The following ISM1 variants were observed in gnomAD, a reference collection of about 807,000 sequenced individuals.
ISM1 encodes isthmin-1.
ISM1 carries 25 observed loss-of-function variants against 46.3 expected under a neutral mutation model. The observed-to-expected ratio is 0.54, with a 90% confidence interval of 0.39 to 0.75. The LOEUF is 0.75. ISM1 is among the 30% of genes least tolerant of loss of function. The probability of loss-of-function intolerance (pLI) is 0.00; values close to 1 mark genes in which losing one functional copy is unlikely to be tolerated. For missense variants in ISM1, 536 were observed against 625.4 expected, an observed-to-expected ratio of 0.86 and a Z score of 1.52; for synonymous variants, 255 against 256.7, an observed-to-expected ratio of 0.99 and a Z score of 0.06.
At chr20:13,224,607 C>T (rs961067161) in intron 1 of ISM1, among the ~76,000 whole-genome samples, 4 of 152,102 alleles carry the variant, frequency 2.6e-5, no homozygotes, top group African/African-American at 9.7e-5. Flanking sequence ...TCTCTGTGTA[C>T]AACCTTCTAA....
At position 13,288,614 on chromosome 20, in the gene ISM1, C is replaced by A; in HGVS notation, c.718C>A (p.Arg240=). Residue 240 remains arginine, a synonymous_variant, in exon 4 of 6, where the codon CGG becomes AGG. Coordinates refer to ENST00000262487, the MANE Select transcript of ISM1 (RefSeq NM_080826.2). ...SVTCGNGNQK[R]TRSCGYACTA... is the part of the protein sequence containing the mutation. The stretch of plus-strand genomic sequence containing the variant: ...CACCTGCGGGAACGGCAACCAGAAA[C>A]GGACCCGGTCTTGTGGCTACGCGTG... 6.2e-7 allele frequency: 1 copy of A among 1,613,976 alleles called. No homozygotes were observed. The highest frequency in any genetic ancestry group is 1.3e-5 in the African/African-American group (1 of 75,036).
chr20:13,318,230 A>G, the ISM1 span, among the ~76,000 whole-genome samples: 3 of 152,180 alleles, frequency 2.0e-5, no homozygotes, highest in African/African-American at 7.2e-5. Flanking sequence ...AAGCATATAA[A>G]AAGATATTTC....
downstream of ISM1, among the ~76,000 whole-genome samples, chr20:13,303,783 T>C (rs1278908665): frequency 6.6e-6 from 1 of 152,174 alleles, no homozygotes; most frequent in African/African-American, 2.4e-5. Flanking sequence ...GTCCCTCCTC[T>C]TGGAGGGGAG....
At chr20:13,318,273 CACA>C in the ISM1 span, among the ~76,000 whole-genome samples, 4 of 151,866 alleles carry the variant, frequency 2.6e-5, no homozygotes, top group Non-Finnish European at 5.9e-5. Context: ...TGCAAATTAA[CACA>C]ACAACAAGAT....
At chr20:13,244,569 T>G (rs370353940) in intron 1 of ISM1, among the ~76,000 whole-genome samples, 19 of 152,292 alleles carry the variant, frequency 1.2e-4, no homozygotes, top group African/African-American at 4.3e-4. Context: ...AAAAACATAT[T>G]AAAGATACTT....
Position 13,283,200 on chromosome 20 carries a change from T to G in ISM1, c.643+3302T>G, listed in dbSNP as rs140017813. Among the ~76,000 whole-genome samples, 64 of 152,272 alleles carry G rather than the reference T, an allele frequency of 4.2e-4. 1 individual carries two copies. Among genetic ancestry groups the G allele is most frequent in the Middle Eastern group, 6.8e-3 (2 of 294 alleles). On this transcript the variant is annotated intron_variant, in intron 3 of 5. Transcript: ENST00000262487. ...GGATTTTAATCCCACAGACCCACTT[T>G]TATTGCAGTCAACAGGAAACTTCAA...
intron 4 of ISM1, 111 bp from the exon 5 acceptor site, chr20:13,292,263 A>G: frequency 1.5e-6 from 1 of 680,256 alleles, no homozygotes. Flanking sequence ...CGTGAGTAGT[A>G]ATGAATACAA....
chr20:13,233,322 G>A (rs933322712), intron 1 of ISM1, among the ~76,000 whole-genome samples: 7 of 152,204 alleles, frequency 4.6e-5, no homozygotes, highest in East Asian at 1.9e-4. Flanking sequence ...CCTGCCGGGC[G>A]CGGTGGCTCA....
At chr20:13,223,992 G>T (rs1231985798) in intron 1 of ISM1, among the ~76,000 whole-genome samples, 1 of 152,006 alleles carries the variant, frequency 6.6e-6, no homozygotes. Flanking sequence ...TGGTGGAAGT[G>T]GCAGTTCTAA....
downstream of ISM1, among the ~76,000 whole-genome samples, chr20:13,301,595 C>T (rs968631292): frequency 1.3e-5 from 2 of 152,176 alleles, no homozygotes; most frequent in African/African-American, 4.8e-5. Flanking sequence ...GACTTATTCA[C>T]ATCTGAAGCA....
chr20:13,314,591 T>C, the ISM1 span, among the ~76,000 whole-genome samples: 1 of 152,024 alleles, frequency 6.6e-6, no homozygotes, highest in Non-Finnish European at 1.5e-5. Flanking sequence ...GGATGGAATT[T>C]GTTACCAGTA....
In ISM1 at chr20:13,290,450, C is replaced by T. The variant is rs1031833716; in HGVS notation, c.787+1767C>T. Among the ~76,000 whole-genome samples, 3 of 152,174 alleles carry T rather than the reference C, an allele frequency of 2.0e-5. No individual in the cohort carries two copies. In the East Asian group the frequency reaches 5.8e-4, roughly 29 times the overall value. On this transcript the variant is annotated intron_variant, in intron 4 of 5. Transcript: ENST00000262487. ...AGATCACAAGGTCAGGAGATCGAGA[C>T]CATCCTGGCTAACACGGTGAAATGC...
chr20:13,232,000 G>A (rs2039593455), intron 1 of ISM1, among the ~76,000 whole-genome samples: 1 of 152,196 alleles, frequency 6.6e-6, no homozygotes, highest in African/African-American at 2.4e-5. Context: ...GTCATAGCCT[G>A]CCCCAGTGTT....
chr20:13,312,456 C>A, the ISM1 span, among the ~76,000 whole-genome samples: 6 of 152,198 alleles, frequency 3.9e-5, no homozygotes, highest in African/African-American at 1.4e-4. Flanking sequence ...TGCACAACGC[C>A]CTGCAACTTC....
At chr20:13,326,376 C>T in the ISM1 span, among the ~76,000 whole-genome samples, 2 of 151,826 alleles carry the variant, frequency 1.3e-5, no homozygotes, top group Admixed American at 6.6e-5. Context: ...TGTATATATT[C>T]GATTTAAGTA....
At chr20:13,261,514 C>T (rs1278046186) in intron 1 of ISM1, among the ~76,000 whole-genome samples, 1 of 151,782 alleles carries the variant, frequency 6.6e-6, no homozygotes, top group African/African-American at 2.4e-5. Context: ...AATTTGTGGA[C>T]ATTTTTGCCA....
chr20:13,255,632 G>A (rs1034441911), intron 1 of ISM1, among the ~76,000 whole-genome samples: 6 of 152,088 alleles, frequency 3.9e-5, no homozygotes, highest in South Asian at 2.1e-4. Flanking sequence ...AAAGAAGTGC[G>A]ACACTAGGGC....
chr20:13,223,217 A>G (rs918989022), intron 1 of ISM1, among the ~76,000 whole-genome samples: 2 of 150,814 alleles, frequency 1.3e-5, no homozygotes, highest in Admixed American at 6.6e-5. Context: ...ATAAAATGAA[A>G]TAAGCATTAT....
At chr20:13,282,070 CACTCTGCTGCA>C (rs1413077759) in intron 3 of ISM1, among the ~76,000 whole-genome samples, 1 of 152,192 alleles carries the variant, frequency 6.6e-6, no homozygotes, top group African/African-American at 2.4e-5. Flanking sequence ...GCCCTCCAGG[CACTCTGCTGCA>C]TTGCGCACCT....
Sources: gnomAD v4.1 joint callset for allele counts (sites outside exome capture counted in the v4.1 genomes callset) on GRCh38, gnomAD v4.1.1 for gene constraint, MANE v1.5 for transcripts, NCBI Gene and HGNC (gene_info 2026-07-23, HGNC 2026-07-21) for gene names.